The following TMEM135 variants were observed in gnomAD, a reference collection of about 807,000 sequenced individuals.
The protein encoded by TMEM135 is peroxisomal membrane protein 52.
In TMEM135, 30 loss-of-function variants were observed where a neutral mutation model predicts 60.3. The observed-to-expected ratio is 0.50, with a 90% confidence interval of 0.37 to 0.68. The LOEUF (loss-of-function observed/expected upper bound fraction) is 0.68, where lower values mean the gene tolerates loss of function less well. Ranked by LOEUF, TMEM135 falls within the 30% of genes least tolerant of loss-of-function variation. The pLI, the probability that TMEM135 is intolerant of heterozygous loss-of-function variation, is 0.00. For synonymous variants in TMEM135, 190 were observed against 186.7 expected, an observed-to-expected ratio of 1.02 and a Z score of -0.14; for missense variants, 468 against 548.8, an observed-to-expected ratio of 0.85 and a Z score of 1.47.
intron 3 of TMEM135, among the ~76,000 whole-genome samples, chr11:87,081,007 T>A (rs1460860743): frequency 6.6e-6 from 1 of 152,160 alleles, no homozygotes; most frequent in African/African-American, 2.4e-5. Flanking sequence ...GATATTGATA[T>A]AGCTACTCCA....
chr11:87,112,074 G>A (rs1417319883), intron 4 of TMEM135, among the ~76,000 whole-genome samples: 1 of 152,130 alleles, frequency 6.6e-6, no homozygotes, highest in Non-Finnish European at 1.5e-5. Flanking sequence ...TTGCAATATA[G>A]AGCATGATTG....
chr11:87,285,087 G>A (rs1407671275), intron 6 of TMEM135, among the ~76,000 whole-genome samples: 1 of 152,110 alleles, frequency 6.6e-6, no homozygotes, highest in Admixed American at 6.5e-5. Context: ...AAAAATAAAA[G>A]TCTGAAAGTA....
At chr11:87,151,229 C>G (rs1428340842) in intron 4 of TMEM135, among the ~76,000 whole-genome samples, 1 of 152,114 alleles carries the variant, frequency 6.6e-6, no homozygotes, top group Admixed American at 6.6e-5. Context: ...TTTGTGTCCT[C>G]TACTCTATTT....
rs1942842708 is a variant in TMEM135 at position 87,322,653 on chromosome 11, AC to A, written c.*1321del. 1 of 453,676 alleles carries A rather than the reference AC, an allele frequency of 2.2e-6. No individual in the cohort carries two copies. Among genetic ancestry groups the A allele is most frequent in the South Asian group, 1.6e-5 (1 of 64,464 alleles). 28.1% of individuals were successfully genotyped at this position (453,676 alleles called of 1,614,324 possible). A position where few individuals can be genotyped will look rare whatever the true frequency, so the allele number is the denominator to read the frequency against. On this transcript the variant is annotated 3_prime_UTR_variant, in exon 15 of 15. Coordinates refer to ENST00000305494, the MANE Select transcript of TMEM135 (RefSeq NM_022918.4). ...AGGCCAGTGCAAATTATGCAGTAGA[AC>A]TTGTGTTGCAAAAGGAATTATAACC...
intron 6 of TMEM135, among the ~76,000 whole-genome samples, chr11:87,279,020 T>A (rs558223533): frequency 2.2e-4 from 33 of 151,722 alleles, no homozygotes; most frequent in Non-Finnish European, 4.3e-4. Flanking sequence ...TTTTGTTGAG[T>A]GTATTAGTAG....
intron 3 of TMEM135, among the ~76,000 whole-genome samples, chr11:87,088,373 A>C (rs895806810): frequency 6.6e-6 from 1 of 152,186 alleles, no homozygotes; most frequent in Non-Finnish European, 1.5e-5. Context: ...TATTGCAGTG[A>C]TACAAATAAC....
chr11:87,297,018 T>C (rs955915379), intron 7 of TMEM135, among the ~76,000 whole-genome samples: 2 of 152,146 alleles, frequency 1.3e-5, no homozygotes, highest in Non-Finnish European at 2.9e-5. Context: ...CTACTAATGC[T>C]TTTTGAGCAG....
chr11:87,107,483 C>T (rs990836056), intron 4 of TMEM135, among the ~76,000 whole-genome samples: 3 of 151,202 alleles, frequency 2.0e-5, no homozygotes, highest in Admixed American at 6.6e-5. Flanking sequence ...TCTCATTGTT[C>T]AATTCTCACC....
chr11:87,305,840 G>A (rs1376306262), intron 8 of TMEM135, 96 bp from the exon 9 acceptor site: 4 of 591,758 alleles, frequency 6.8e-6, no homozygotes, highest in Non-Finnish European at 1.1e-5. Flanking sequence ...TTTTTTTTTG[G>A]TTAGAAAGCT....
In TMEM135 at chr11:87,037,987, G is replaced by A. The variant is rs1345700303; in HGVS notation, c.-59G>A. Reference sequence around the variant, plus strand: ...GAGAGGCTGGCGGCTGGGCTCTCGCGCCCCTCCCTGCAGGGCTCAGGCTCT... The same window carrying A: ...GAGAGGCTGGCGGCTGGGCTCTCGCACCCCTCCCTGCAGGGCTCAGGCTCT... On this transcript the variant is annotated 5_prime_UTR_variant, in exon 1 of 15. Coordinates refer to ENST00000305494, the MANE Select transcript of TMEM135 (RefSeq NM_022918.4). The A allele has an allele frequency of 9.3e-6, 15 of 1,608,652 alleles. No homozygotes were observed. Among genetic ancestry groups the A allele is most frequent in the Non-Finnish European group, 1.3e-5 (15 of 1,179,504 alleles).
chr11:87,077,246 T>G (rs1856892841), intron 3 of TMEM135, among the ~76,000 whole-genome samples: 1 of 152,270 alleles, frequency 6.6e-6, no homozygotes, highest in Admixed American at 6.5e-5. Context: ...GTATAACGTT[T>G]GGACATAGGC....
intron 6 of TMEM135, among the ~76,000 whole-genome samples, chr11:87,266,161 TGAG>T (rs1341874568): frequency 6.6e-6 from 1 of 152,178 alleles, no homozygotes; most frequent in Non-Finnish European, 1.5e-5. Flanking sequence ...CATATGCTCT[TGAG>T]GAGCCAGAGT....
chr11:87,147,511 G>GTTACTTT (rs111307209), intron 4 of TMEM135, among the ~76,000 whole-genome samples: 55,412 of 151,362 alleles, frequency 0.37, 10,579 homozygotes, highest in East Asian at 0.66. Context: ...TACTGTTATT[G>GTTACTTT]TTATTTTTAT....
chr11:87,109,408 A>G (rs1246940065), intron 4 of TMEM135, among the ~76,000 whole-genome samples: 1 of 152,212 alleles, frequency 6.6e-6, no homozygotes, highest in Non-Finnish European at 1.5e-5. Context: ...ATAATAATAC[A>G]CTGTAATAAA....
intron 13 of TMEM135, among the ~76,000 whole-genome samples, chr11:87,318,802 C>T (rs538358802): frequency 3.1e-4 from 47 of 151,668 alleles, no homozygotes; most frequent in African/African-American, 8.7e-4. Context: ...AATGAAGTAT[C>T]AATATCTCAG....
At chr11:87,091,529 T>A in intron 4 of TMEM135, 134 bp downstream of exon 4, 1 of 842,458 alleles carries the variant, frequency 1.2e-6, no homozygotes. Flanking sequence ...TGGATAGAAT[T>A]AAATGTTCAA....
At chr11:87,219,010 T>A (rs1342219960) in intron 5 of TMEM135, among the ~76,000 whole-genome samples, 3 of 152,186 alleles carry the variant, frequency 2.0e-5, no homozygotes, top group Admixed American at 2.0e-4. Context: ...ATAAAACATA[T>A]ATGCATACTT....
intron 4 of TMEM135, among the ~76,000 whole-genome samples, chr11:87,146,388 C>G (rs1938416661): frequency 6.6e-6 from 1 of 152,150 alleles, no homozygotes; most frequent in Non-Finnish European, 1.5e-5. Flanking sequence ...TATGAACCTG[C>G]TTTAGCCTCT....
chr11:87,159,962 A>G (rs1291040338), intron 5 of TMEM135, among the ~76,000 whole-genome samples: 2 of 152,180 alleles, frequency 1.3e-5, no homozygotes, highest in East Asian at 3.8e-4. Flanking sequence ...ATAATATGCT[A>G]AGGGAGGAGA....
Sources: gnomAD v4.1 joint callset for allele counts (sites outside exome capture counted in the v4.1 genomes callset) on GRCh38, gnomAD v4.1.1 for gene constraint, MANE v1.5 for transcripts, NCBI Gene and HGNC (gene_info 2026-07-23, HGNC 2026-07-21) for gene names.